PARVA: variants seen among roughly 807,000 people sequenced by gnomAD.
The protein encoded by PARVA is parvin alpha.
Under a neutral mutation model 52.6 loss-of-function variants are expected in PARVA, and 25 were observed. The ratio of observed to expected loss-of-function variants is 0.48; its 90% CI spans 0.35 to 0.66. The LOEUF (loss-of-function observed/expected upper bound fraction) is 0.66, where lower values mean the gene tolerates loss of function less well. Ranked by LOEUF, PARVA falls within the 30% of genes least tolerant of loss-of-function variation. The probability of loss-of-function intolerance (pLI) is 0.01; values close to 1 mark genes in which losing one functional copy is unlikely to be tolerated. For missense variants in PARVA, 373 were observed against 450.9 expected, an observed-to-expected ratio of 0.83 and a Z score of 1.56; for synonymous variants, 185 against 179.1, an observed-to-expected ratio of 1.03 and a Z score of -0.26.
At chr11:12,459,042 C>T (rs1940737806) in intron 1 of PARVA, among the ~76,000 whole-genome samples, 1 of 152,218 alleles carries the variant, frequency 6.6e-6, no homozygotes, top group African/African-American at 2.4e-5. Context: ...GGAGACAACT[C>T]ACTGTTAGGA....
chr11:12,496,345 A>ATAGTGCATGCATGCAT, intron 4 of PARVA, 113 bp from the exon 5 acceptor site: 1 of 861,990 alleles, frequency 1.2e-6, no homozygotes, highest in Non-Finnish European at 1.8e-6. Context: ...TATTGTTGCA[A>ATAGTGCATGCATGCAT]GAGTGCATGC....
intron 1 of PARVA, among the ~76,000 whole-genome samples, chr11:12,434,378 A>G (rs1320919742): frequency 6.6e-6 from 1 of 152,140 alleles, no homozygotes; most frequent in Non-Finnish European, 1.5e-5. Context: ...TGGGACCCCC[A>G]GTACTTTTCG....
chr11:12,478,330 G>A (rs1941042674), intron 4 of PARVA: 3 of 349,538 alleles, frequency 8.6e-6, no homozygotes, highest in South Asian at 2.3e-5. Flanking sequence ...TTAGACCTCT[G>A]TCACCTTCAG....
chr11:12,474,048 G>T (rs2135036521), intron 3 of PARVA, 65 bp downstream of exon 3: 1 of 1,294,262 alleles, frequency 7.7e-7, no homozygotes, highest in Non-Finnish European at 1.1e-6. Context: ...TATGCCACCT[G>T]CTCTGTGCAG....
At chr11:12,446,436 G>A (rs1469482077) in intron 1 of PARVA, among the ~76,000 whole-genome samples, 6 of 152,092 alleles carry the variant, frequency 3.9e-5, no homozygotes, top group Non-Finnish European at 5.9e-5. Flanking sequence ...ACAGTGTGAT[G>A]ATATGCAAAA....
chr11:12,394,998 G>A (rs1939717108), intron 1 of PARVA, among the ~76,000 whole-genome samples: 1 of 151,892 alleles, frequency 6.6e-6, no homozygotes, highest in African/African-American at 2.4e-5. Context: ...GGTGGAGGCA[G>A]GAGAATCGCT....
intron 1 of PARVA, among the ~76,000 whole-genome samples, chr11:12,447,679 G>A (rs996747773): frequency 1.3e-5 from 2 of 152,226 alleles, no homozygotes; most frequent in African/African-American, 4.8e-5. Flanking sequence ...GCTGAGAGCA[G>A]TTTGTATGAA....
At chr11:12,517,785 G>A (rs1855837595) in intron 11 of PARVA, 74 bp downstream of exon 11, 1 of 1,055,074 alleles carries the variant, frequency 9.5e-7, no homozygotes, top group Non-Finnish European at 1.4e-6. Flanking sequence ...CCATGCTGGG[G>A]CTATCCAGAA....
At position 12,530,048 on chromosome 11, in the gene PARVA, C is replaced by CT. The variant is rs1941751777; in HGVS notation, c.*2129dup. 1 of 152,146 alleles carries CT rather than the reference C, an allele frequency of 6.6e-6. No individual in the cohort carries two copies. The highest frequency in any genetic ancestry group is 6.5e-5 in the Admixed American group (1 of 15,274). 9.4% of individuals were successfully genotyped at this position (152,146 alleles called of 1,614,324 possible). The stretch of plus-strand genomic sequence containing the variant: ...ATGCTTTGCTTTATGAATTTTGTCT[C>CT]TTTTTTGGTCTCTTTTTCTTATATT... On this transcript the variant is annotated 3_prime_UTR_variant, in exon 13 of 13. Transcript: ENST00000334956.
chr11:12,380,523 G>T (rs556349550), intron 1 of PARVA, among the ~76,000 whole-genome samples: 20 of 151,028 alleles, frequency 1.3e-4, no homozygotes, highest in Non-Finnish European at 2.5e-4. Context: ...ATCACCTACT[G>T]GTGCTGAACC....
In PARVA at chr11:12,447,683, G is replaced by A. The variant is rs1036364065; in HGVS notation, c.137-26062G>A. ...TGGGAGAGGATGCTGAGAGCAGTTT[G>A]TATGAATACTCTGAGTACAGTCACT... On this transcript the variant is annotated intron_variant, in intron 1 of 12. Transcript: ENST00000334956. Among the ~76,000 whole-genome samples the A allele has an allele frequency of 3.3e-5, 5 of 152,332 alleles. No individual in the cohort carries two copies. The Middle Eastern group carries it at 0.01, about 311-fold the overall frequency.
intron 4 of PARVA, among the ~76,000 whole-genome samples, chr11:12,484,759 G>T (rs77933158): frequency 1.3e-5 from 2 of 151,580 alleles, no homozygotes; most frequent in African/African-American, 4.9e-5. Context: ...TAGGAGTTTG[G>T]GAAAGGTTTC....
Position 12,377,657 on chromosome 11 carries a change from T to C in PARVA, c.10T>C (p.Ser4Pro). 2 of 1,569,084 alleles carry C rather than the reference T, an allele frequency of 1.3e-6. No homozygotes were observed. The highest frequency in any genetic ancestry group is 8.6e-7 in the Non-Finnish European group (1 of 1,162,682). MAT[S>P]PQKSPSVPKS... ...CAGCCTGCGCCGCGCCATGGCCACCTCCCCGCAGAAGTCGCCTTCTGTCCC... is the reference window on the plus strand; with the variant it reads ...CAGCCTGCGCCGCGCCATGGCCACCCCCCCGCAGAAGTCGCCTTCTGTCCC... The change falls in exon 1 of 13, where the codon TCC becomes CCC. Residue 4 changes from serine to proline, a missense_variant. Ser to Pro is a moderately conservative substitution (Grantham distance 74). Transcript: ENST00000334956.
intron 1 of PARVA, among the ~76,000 whole-genome samples, chr11:12,411,793 G>A (rs1939995650): frequency 6.6e-6 from 1 of 152,090 alleles, no homozygotes; most frequent in African/African-American, 2.4e-5. Flanking sequence ...TAAAAACATG[G>A]TTTGAAAAAT....
intron 12 of PARVA, among the ~76,000 whole-genome samples, chr11:12,526,890 A>G (rs1941708820): frequency 6.6e-6 from 1 of 152,090 alleles, no homozygotes; most frequent in Non-Finnish European, 1.5e-5. Context: ...AGGAGCCAGC[A>G]GAGGGTTAGA....
chr11:12,448,522 A>G (rs1940578363), intron 1 of PARVA, among the ~76,000 whole-genome samples: 2 of 152,200 alleles, frequency 1.3e-5, no homozygotes, highest in African/African-American at 4.8e-5. Flanking sequence ...TGCTCAGCAG[A>G]TTCTTGGACA....
At chr11:12,508,935 C>T (rs968723165) in intron 7 of PARVA, among the ~76,000 whole-genome samples, 3 of 152,216 alleles carry the variant, frequency 2.0e-5, no homozygotes, top group Middle Eastern at 3.4e-3. Flanking sequence ...AGCATGAAAT[C>T]GTCATGCCAT....
intron 1 of PARVA, among the ~76,000 whole-genome samples, chr11:12,406,104 T>G (rs761513186): frequency 6.6e-6 from 1 of 152,160 alleles, no homozygotes; most frequent in African/African-American, 2.4e-5. Flanking sequence ...ACAGAACCAG[T>G]AGGGAAGATA....
At chr11:12,377,943 G>A (rs2134936981) in intron 1 of PARVA, among the ~76,000 whole-genome samples, 160 bp downstream of exon 1, 1 of 148,404 alleles carries the variant, frequency 6.7e-6, no homozygotes, top group Middle Eastern at 3.4e-3. Flanking sequence ...CGTCGGGCAG[G>A]AGCGACGCGC....
Sources: gnomAD v4.1 joint callset for allele counts (sites outside exome capture counted in the v4.1 genomes callset) on GRCh38, gnomAD v4.1.1 for gene constraint, MANE v1.5 for transcripts, NCBI Gene and HGNC (gene_info 2026-07-23, HGNC 2026-07-21) for gene names.